The following TMPRSS15 variants were observed in gnomAD, a reference collection of about 807,000 sequenced individuals.
TMPRSS15 encodes transmembrane serine protease 15.
Under a neutral mutation model 125.3 loss-of-function variants are expected in TMPRSS15, and 128 were observed. That is an observed-to-expected ratio of 1.02 (90% CI 0.89 to 1.18). The LOEUF (loss-of-function observed/expected upper bound fraction) is 1.18, where lower values mean the gene tolerates loss of function less well. Among genes scored for constraint, TMPRSS15 ranks in the 50% most tolerant of loss-of-function variants. TMPRSS15 has a pLI of 0.00. For synonymous variants in TMPRSS15, 446 were observed against 423.2 expected (o/e 1.05, Z -0.66); for missense variants, 1,283 against 1,212.7 (o/e 1.06, Z -0.86).
chr21:18,344,847 A>G (rs1387256731), intron 10 of TMPRSS15, among the ~76,000 whole-genome samples: 3 of 152,234 alleles, frequency 2.0e-5, no homozygotes, highest in Non-Finnish European at 2.9e-5. Context: ...AATATTATAT[A>G]AAGCAAATGT....
rs772795130 is a variant in TMPRSS15, at chr21:18,397,939, T to G, written c.284A>C (p.Glu95Ala). ...CTTCAGATTGCTTGATAGAAAGATC[T>G]CATCTATCTAGAAAAATATAAAAGA... ...LAFDLQQMID[E>A]IFLSSNLKNE... Residue 95 changes from glutamate to alanine, a missense_variant, in exon 3 of 25, where the codon GAG (glutamate) becomes GCG (alanine). By Grantham distance (107) the Glu-to-Ala change is moderately radical. Coordinates refer to ENST00000284885, the MANE Select transcript of TMPRSS15 (RefSeq NM_002772.3). 2 of 1,506,174 alleles carry G rather than the reference T, an allele frequency of 1.3e-6. No homozygotes were observed. Among genetic ancestry groups the G allele is most frequent in the Non-Finnish European group, 1.8e-6 (2 of 1,095,406 alleles). The allele number at this position is 1,506,174 out of a possible 1,614,324, so 93.3% of individuals were successfully genotyped here. A position where few individuals can be genotyped will look rare whatever the true frequency, so the allele number is the denominator to read the frequency against.
rs1444020868 is a variant in TMPRSS15, at chr21:18,445,162, A to T, written c.10+40637T>A. On this transcript the variant is annotated intron_variant, in intron 1 of 7. Coordinates refer to the TMPRSS15 transcript ENST00000422787. The stretch of plus-strand genomic sequence containing the variant: ...CTAGTACTCCATTGTATATATATAT[A>T]TACCCCATTTAAAAAAATCCATTCT... Among the ~76,000 whole-genome samples the T allele has an allele frequency of 1.3e-5, 2 of 151,534 alleles. 1 individual carries two copies. Among genetic ancestry groups the T allele is most frequent in the South Asian group, 4.2e-4 (2 of 4,800 alleles).
At chr21:18,350,936 C>T (rs919964325) in intron 10 of TMPRSS15, among the ~76,000 whole-genome samples, 1 of 151,910 alleles carries the variant, frequency 6.6e-6, no homozygotes, top group East Asian at 1.9e-4. Context: ...GGGGCTTTTA[C>T]TGATGACTCT....
chr21:18,349,081 C>A (rs2075537947), intron 10 of TMPRSS15, among the ~76,000 whole-genome samples: 1 of 152,148 alleles, frequency 6.6e-6, no homozygotes, highest in Non-Finnish European at 1.5e-5. Context: ...GTTTTTACTA[C>A]TAAACTATAC....
intron 21 of TMPRSS15, among the ~76,000 whole-genome samples, chr21:18,293,326 G>A (rs958997229): frequency 6.6e-6 from 1 of 151,994 alleles, no homozygotes; most frequent in Non-Finnish European, 1.5e-5. Context: ...TTCTTTCCTC[G>A]TCAATGCCTG....
chr21:18,425,512 T>C (rs1185005716), intron 1 of TMPRSS15, among the ~76,000 whole-genome samples: 1 of 152,152 alleles, frequency 6.6e-6, no homozygotes. Flanking sequence ...TAAAAACATC[T>C]CTATTGCTGG....
intron 4 of TMPRSS15, among the ~76,000 whole-genome samples, chr21:18,383,119 A>G (rs960228210): frequency 6.6e-6 from 1 of 152,164 alleles, no homozygotes; most frequent in African/African-American, 2.4e-5. Context: ...TCCTGAAGTC[A>G]GGGTGTGCTT....
upstream of TMPRSS15, among the ~76,000 whole-genome samples, chr21:18,407,072 A>C (rs946952629): frequency 6.6e-6 from 1 of 152,168 alleles, no homozygotes; most frequent in African/African-American, 2.4e-5. Context: ...TAGAAAAGAA[A>C]ATCATTTGTT....
At chr21:18,369,639 T>C (rs894739583) in intron 6 of TMPRSS15, among the ~76,000 whole-genome samples, 1 of 151,652 alleles carries the variant, frequency 6.6e-6, no homozygotes, top group Admixed American at 6.6e-5. Context: ...AGCAAAAAAA[T>C]AAATAAATCA....
At chr21:18,394,729 A>G (rs1012339267) in intron 3 of TMPRSS15, among the ~76,000 whole-genome samples, 1 of 152,100 alleles carries the variant, frequency 6.6e-6, no homozygotes, top group Non-Finnish European at 1.5e-5. Context: ...ACACATTCCT[A>G]CTAAATTATA....
At chr21:18,445,291 C>T (rs1323907421) in intron 1 of TMPRSS15, among the ~76,000 whole-genome samples, 3 of 151,204 alleles carry the variant, frequency 2.0e-5, no homozygotes, top group Non-Finnish European at 4.4e-5. Context: ...AGTGATTACC[C>T]TGCCTCAGCC....
At chr21:18,282,564 C>A (rs928109415) in intron 21 of TMPRSS15, among the ~76,000 whole-genome samples, 1 of 152,160 alleles carries the variant, frequency 6.6e-6, no homozygotes, top group Non-Finnish European at 1.5e-5. Flanking sequence ...GGTCAGGTAG[C>A]AGTCATCAGT....
chr21:18,349,036 A>C (rs79141644), intron 10 of TMPRSS15, among the ~76,000 whole-genome samples: 12,578 of 152,244 alleles, frequency 0.083, 726 homozygotes, highest in South Asian at 0.21. Context: ...CTAAGATTTA[A>C]ACCTGGCTAA....
intron 5 of TMPRSS15, among the ~76,000 whole-genome samples, chr21:18,376,925 T>G (rs1174405704): frequency 6.6e-6 from 1 of 152,212 alleles, no homozygotes; most frequent in South Asian, 2.1e-4. Context: ...ATATGATGCA[T>G]GCATCTGTTG....
chr21:18,354,171 A>T (rs73893076), intron 8 of TMPRSS15, among the ~76,000 whole-genome samples: 2,173 of 151,960 alleles, frequency 0.014, 50 homozygotes, highest in African/African-American at 0.05. Flanking sequence ...TTTACTGGCA[A>T]AGTTCATCTA....
chr21:18,351,476 A>T (rs2075568061), intron 10 of TMPRSS15, among the ~76,000 whole-genome samples: 1 of 152,008 alleles, frequency 6.6e-6, no homozygotes, highest in Non-Finnish European at 1.5e-5. Context: ...CACGGGGGCA[A>T]TTTTTTCAAT....
intron 1 of TMPRSS15, among the ~76,000 whole-genome samples, chr21:18,476,145 A>G (rs1978876013): frequency 6.6e-6 from 1 of 152,164 alleles, no homozygotes; most frequent in Admixed American, 6.6e-5. Flanking sequence ...AAAAAATTAT[A>G]TGCCATAAAA....
At chr21:18,391,593 C>A (rs2075990947) in intron 3 of TMPRSS15, among the ~76,000 whole-genome samples, 1 of 152,246 alleles carries the variant, frequency 6.6e-6, no homozygotes, top group Non-Finnish European at 1.5e-5. Context: ...CCTACCCCCA[C>A]TGGCTGCTTT....
intron 1 of TMPRSS15, among the ~76,000 whole-genome samples, chr21:18,441,665 AT>A (rs2076242216): frequency 5.7e-5 from 2 of 35,196 alleles, no homozygotes; most frequent in Non-Finnish European, 1.2e-4. Flanking sequence ...AGGACACATT[AT>A]TATTATTATT....
Sources: gnomAD v4.1 joint callset for allele counts (sites outside exome capture counted in the v4.1 genomes callset) on GRCh38, gnomAD v4.1.1 for gene constraint, MANE v1.5 for transcripts, NCBI Gene and HGNC (gene_info 2026-07-23, HGNC 2026-07-21) for gene names.